The following MALRD1 variants were observed in gnomAD, a reference collection of about 807,000 sequenced individuals.
MALRD1 encodes MAM and LDL-receptor class A domain-containing protein 1.
A neutral mutation model predicts 242.1 loss-of-function variants in MALRD1; 247 were observed. The ratio of observed to expected loss-of-function variants is 1.02; its 90% confidence interval spans 0.92 to 1.13. The LOEUF is 1.13. MALRD1 is among the 50% of genes most tolerant of loss of function. MALRD1 has a pLI of 0.00. For synonymous variants in MALRD1, 995 were observed against 866.6 expected (o/e 1.15, Z -2.60); for missense variants, 2,989 against 2,533.1 (o/e 1.18, Z -3.86).
chr10:19,214,365 A>G (rs1020694220), intron 18 of MALRD1, among the ~76,000 whole-genome samples: 3 of 152,176 alleles, frequency 2.0e-5, no homozygotes, highest in Non-Finnish European at 2.9e-5. Flanking sequence ...CTTTTGTGGC[A>G]TACATTTTGG....
intron 36 of MALRD1, among the ~76,000 whole-genome samples, chr10:19,629,300 A>T (rs1839809889): frequency 6.6e-6 from 1 of 152,158 alleles, no homozygotes; most frequent in Non-Finnish European, 1.5e-5. Flanking sequence ...TTCGCTGGTC[A>T]TTGCTGACAG....
At chr10:19,112,351 C>T (rs1025753889) in intron 5 of MALRD1, among the ~76,000 whole-genome samples, 5 of 151,814 alleles carry the variant, frequency 3.3e-5, no homozygotes, top group Non-Finnish European at 7.4e-5. Context: ...GGAGACATGC[C>T]GTTCAGCATC....
At chr10:19,657,702 TA>T (rs1419270675) in intron 36 of MALRD1, among the ~76,000 whole-genome samples, 1 of 152,180 alleles carries the variant, frequency 6.6e-6, no homozygotes, top group African/African-American at 2.4e-5. Flanking sequence ...AACAACCAAT[TA>T]TACTCTGTTA....
intron 24 of MALRD1, among the ~76,000 whole-genome samples, chr10:19,341,502 GTATATATATGTGTGTATA>G (rs1843865674): frequency 8.6e-6 from 1 of 116,840 alleles, no homozygotes; most frequent in Admixed American, 8.1e-5. Context: ...ATGTATATAT[GTATATATATGTGTGTATA>G]TATGTATATA....
Position 19,369,601 on chromosome 10 carries a change from G to A in MALRD1, c.4441+17304G>A, listed in dbSNP as rs186802721. On this transcript the variant is annotated intron_variant, in intron 26 of 39. Coordinates refer to ENST00000454679, the MANE Select transcript of MALRD1 (RefSeq NM_001142308.3). ...TGAATATATCCATATAAATATAGCCGCATAAATATATTTAAATATACATAA... is the reference window on the plus strand; with the variant it reads ...TGAATATATCCATATAAATATAGCCACATAAATATATTTAAATATACATAA... Among the ~76,000 whole-genome samples, 59 of 145,914 alleles carry A rather than the reference G, an allele frequency of 4.0e-4. 1 individual carries two copies. Among genetic ancestry groups the A allele is most frequent in the East Asian group, 2.2e-3 (11 of 5,034 alleles).
Position 19,456,493 on chromosome 10 carries a change from A to G in MALRD1, c.5029+6003A>G, listed in dbSNP as rs1835654097. On this transcript the variant is annotated intron_variant, in intron 29 of 39. Coordinates refer to ENST00000454679, the MANE Select transcript of MALRD1 (RefSeq NM_001142308.3). ...ATTCAAATTGAACTTGGGAGATCAC[A>G]AAACAGTGATTGCTTTATATAAAGT... Among the ~76,000 whole-genome samples the G allele has an allele frequency of 2.0e-5, 3 of 152,154 alleles. No homozygotes were observed. The South Asian group carries it at 6.2e-4, about 31-fold the overall frequency.
chr10:19,053,033 TACTC>T (rs1257915979), intron 1 of MALRD1, among the ~76,000 whole-genome samples: 1 of 152,170 alleles, frequency 6.6e-6, no homozygotes, highest in Non-Finnish European at 1.5e-5. Flanking sequence ...GGACCGTACT[TACTC>T]ACTCTTCACC....
At chr10:19,238,878 C>G (rs1284548903) in intron 18 of MALRD1, among the ~76,000 whole-genome samples, 1 of 151,400 alleles carries the variant, frequency 6.6e-6, no homozygotes, top group East Asian at 1.9e-4. Context: ...ACTTCCTTGC[C>G]AACTCTTGTT....
chr10:19,647,349 C>T (rs1242420930), intron 36 of MALRD1, among the ~76,000 whole-genome samples: 1 of 152,162 alleles, frequency 6.6e-6, no homozygotes, highest in Non-Finnish European at 1.5e-5. Context: ...CACTATTAGA[C>T]CAGCCTGTTA....
intron 35 of MALRD1, among the ~76,000 whole-genome samples, chr10:19,611,337 C>T (rs1039273835): frequency 6.6e-6 from 1 of 151,974 alleles, no homozygotes; most frequent in Middle Eastern, 3.4e-3. Flanking sequence ...CTAGTCTCTG[C>T]GTACATTAAG....
In MALRD1 at chr10:19,615,919, T is replaced by G; in HGVS notation, c.6133T>G (p.Cys2045Gly). Reference protein sequence around the residue: ...TCVVEKNGPMCRCRQGWKGNR... With the variant: ...TCVVEKNGPMGRCRQGWKGNR... ...TGTAGTGGAGAAAAATGGTCCTATG[T>G]GTCGGTAAGAAGCATTGTTTAATTT... The change falls in exon 36 of 40, where the codon TGT becomes GGT. Residue 2045 changes from cysteine (C) to glycine (G), a missense_variant. Cys to Gly is a radical substitution (Grantham distance 159). Transcript: ENST00000454679. The G allele has an allele frequency of 6.5e-7, 1 of 1,526,922 alleles. No homozygotes were observed. The highest frequency in any genetic ancestry group is 1.2e-5 in the South Asian group (1 of 82,958). The allele number at this position is 1,526,922 out of a possible 1,614,324, so 94.6% of individuals were successfully genotyped here.
At chr10:19,053,497 G>A (rs1834569803) in intron 1 of MALRD1, among the ~76,000 whole-genome samples, 2 of 152,120 alleles carry the variant, frequency 1.3e-5, no homozygotes, top group Admixed American at 6.5e-5. Flanking sequence ...TTGACCTCCT[G>A]GCAAATTGCT....
At chr10:19,661,796 A>G (rs916028814) in intron 36 of MALRD1, among the ~76,000 whole-genome samples, 1 of 152,194 alleles carries the variant, frequency 6.6e-6, no homozygotes, top group Non-Finnish European at 1.5e-5. Context: ...TTAAAAAAAA[A>G]GAATTTTTGT....
intron 29 of MALRD1, among the ~76,000 whole-genome samples, chr10:19,467,021 T>C (rs1354623387): frequency 6.6e-6 from 1 of 152,088 alleles, no homozygotes; most frequent in African/African-American, 2.4e-5. Flanking sequence ...AGAAGTCGCA[T>C]TGGATTACTG....
chr10:19,315,672 GTTATATA>G (rs1474438313), intron 21 of MALRD1, among the ~76,000 whole-genome samples: 4 of 121,990 alleles, frequency 3.3e-5, no homozygotes, highest in African/African-American at 6.6e-5. Context: ...TATGACTATA[GTTATATA>G]TTATATATAA....
chr10:19,724,796 A>G (rs1015528168), intron 38 of MALRD1: 6 of 152,248 alleles, frequency 3.9e-5, no homozygotes, highest in Non-Finnish European at 8.8e-5. Context: ...TTCAGTATTC[A>G]TAAATGGCAT....
intron 36 of MALRD1, among the ~76,000 whole-genome samples, chr10:19,669,406 T>C (rs1290683601): frequency 6.6e-6 from 1 of 152,172 alleles, no homozygotes; most frequent in Non-Finnish European, 1.5e-5. Flanking sequence ...ACCTGGGATC[T>C]GGGACCCAGG....
intron 28 of MALRD1, among the ~76,000 whole-genome samples, chr10:19,426,657 G>T (rs1385548561): frequency 6.6e-6 from 1 of 152,056 alleles, no homozygotes; most frequent in Non-Finnish European, 1.5e-5. Context: ...CAAAAAATTA[G>T]CTGGGCATGG....
chr10:19,054,287 A>G (rs1006217457), intron 1 of MALRD1, among the ~76,000 whole-genome samples: 4 of 152,148 alleles, frequency 2.6e-5, no homozygotes, highest in Admixed American at 1.3e-4. Flanking sequence ...GTATACAATT[A>G]TGGGGTACAC....
Sources: allele counts gnomAD v4.1 joint callset (sites outside exome capture counted in the v4.1 genomes callset), GRCh38; gene constraint gnomAD v4.1.1; transcripts MANE v1.5; gene names NCBI Gene and HGNC (gene_info 2026-07-23, HGNC 2026-07-21).